The following RTN3 variants were observed in gnomAD, a reference collection of about 807,000 sequenced individuals.
The protein encoded by RTN3 is reticulon 3, also known as reticulon-3.
In RTN3, 49 loss-of-function variants were observed where a neutral mutation model predicts 77.8. That is an observed-to-expected ratio of 0.63 (90% CI 0.50 to 0.80). The LOEUF (loss-of-function observed/expected upper bound fraction) is 0.80, where lower values mean the gene tolerates loss of function less well. Among genes scored for constraint, RTN3 ranks in the 30% least tolerant of loss-of-function variants. The probability of loss-of-function intolerance (pLI) is 0.00; values close to 1 mark genes in which losing one functional copy is unlikely to be tolerated. For missense variants in RTN3, 1,236 were observed against 1,211.9 expected (o/e 1.02, Z -0.29); for synonymous variants, 464 against 446.9 (o/e 1.04, Z -0.48).
Position 63,704,861 on chromosome 11 carries a change from T to C in RTN3, c.153T>C (p.Val51=). The part of the protein sequence containing the change: ...SCSSSCADSF[V]SSSSSQPVSL... ...TATATTTTCTTTCAGATTCCTTTGT[T>C]TCTTCCTCTTCCTCTCAGCCTGTAT... Residue 51 remains valine, a synonymous_variant, in exon 2 of 9, where the codon GTT becomes GTC. Transcript: ENST00000377819. 1 of 1,611,088 alleles carries C rather than the reference T, an allele frequency of 6.2e-7. No homozygotes were observed. The highest frequency in any genetic ancestry group is 8.5e-7 in the Non-Finnish European group (1 of 1,177,440).
chr11:63,694,311 G>A (rs1217120044), intron 1 of RTN3, among the ~76,000 whole-genome samples: 1 of 151,888 alleles, frequency 6.6e-6, no homozygotes, highest in African/African-American at 2.4e-5. Flanking sequence ...CAAGTAGCTG[G>A]GATTACAGGC....
chr11:63,745,874 G>T (rs943407793), intron 3 of RTN3, among the ~76,000 whole-genome samples: 1 of 152,160 alleles, frequency 6.6e-6, no homozygotes, highest in African/African-American at 2.4e-5. Context: ...GCAAAGGTGC[G>T]ATCTCGGCTC....
intron 3 of RTN3, among the ~76,000 whole-genome samples, chr11:63,733,970 ACATT>A (rs1433000749): frequency 3.9e-5 from 6 of 152,292 alleles, no homozygotes; most frequent in African/African-American, 1.2e-4. Flanking sequence ...ATACACACAC[ACATT>A]CAGTGAGATC....
chr11:63,700,282 C>CTTTTTTTTTT (rs753369954), intron 1 of RTN3, among the ~76,000 whole-genome samples: 124,622 of 133,442 alleles, frequency 0.93, 59,053 homozygotes, highest in South Asian at 0.99. Flanking sequence ...GATTCTTTTA[C>CTTTTTTTTTT]TTTTTTTTTT....
At chr11:63,747,175 ATGT>A (rs1261384077) in intron 3 of RTN3, among the ~76,000 whole-genome samples, 1 of 152,170 alleles carries the variant, frequency 6.6e-6, no homozygotes. Context: ...CATAGAAGTG[ATGT>A]TGTGTCTTTC....
chr11:63,703,950 T>G (rs1272039742), intron 1 of RTN3, among the ~76,000 whole-genome samples: 1 of 152,170 alleles, frequency 6.6e-6, no homozygotes, highest in African/African-American at 2.4e-5. Flanking sequence ...TATGTGCATT[T>G]TAAATTTTGA....
At position 63,758,007 on chromosome 11, in the gene RTN3, G is replaced by A. The variant is rs489327; in HGVS notation, c.3054-149G>A. 2.3e-3 allele frequency: 1,392 copies of A among 614,502 alleles called. 13 individuals are homozygous for A. In the African/African-American group the frequency reaches 0.023, roughly 10 times the overall value. 38.1% of individuals were successfully genotyped at this position (614,502 alleles called of 1,614,324 possible). A position where few individuals can be genotyped will look rare whatever the true frequency, so the allele number is the denominator to read the frequency against. On this transcript the variant is annotated intron_variant, in intron 8 of 8. Coordinates refer to ENST00000377819, the MANE Select transcript of RTN3 (RefSeq NM_001265589.2). ...GACTCCCAAAGTGCTGGGATTACAC[G>A]CGTGAGCCACCATACCCAGCCGGGA...
At chr11:63,696,956 C>CG (rs1343711848) in intron 1 of RTN3, among the ~76,000 whole-genome samples, 8 of 132,212 alleles carry the variant, frequency 6.1e-5, no homozygotes, top group Admixed American at 4.4e-4. Flanking sequence ...GTGATCTTGG[C>CG]TCACGGCAAA....
chr11:63,683,943 CTTTT>C, intron 1 of RTN3, among the ~76,000 whole-genome samples: 1 of 58,952 alleles, frequency 1.7e-5, no homozygotes, highest in Non-Finnish European at 3.3e-5. Flanking sequence ...TCTTTTCTTT[CTTTT>C]TTTTTTTTTT....
chr11:63,691,941 AC>A (rs1371812617), intron 1 of RTN3, among the ~76,000 whole-genome samples: 1 of 152,128 alleles, frequency 6.6e-6, no homozygotes, highest in Non-Finnish European at 1.5e-5. Flanking sequence ...GCTTCCTGTT[AC>A]ACTCCGTAAA....
chr11:63,684,971 G>A (rs1173824648), intron 1 of RTN3, among the ~76,000 whole-genome samples: 1 of 151,578 alleles, frequency 6.6e-6, no homozygotes, highest in Non-Finnish European at 1.5e-5. Context: ...TGTTGGCCAG[G>A]CTGGTCTTGA....
intron 5 of RTN3, 41 bp downstream of exon 5, chr11:63,752,686 G>A (rs1184694109): frequency 1.9e-6 from 3 of 1,601,004 alleles, no homozygotes; most frequent in Admixed American, 3.4e-5. Context: ...AACAGAAAAA[G>A]CAGGGACTGG....
chr11:63,696,370 C>T (rs1358391196), intron 1 of RTN3, among the ~76,000 whole-genome samples: 4 of 150,552 alleles, frequency 2.7e-5, no homozygotes, highest in African/African-American at 4.9e-5. Context: ...GCACTCCAGC[C>T]TGGGCAACAA....
At chr11:63,694,926 G>C (rs545558857) in intron 1 of RTN3, among the ~76,000 whole-genome samples, 1 of 152,346 alleles carries the variant, frequency 6.6e-6, no homozygotes, top group Admixed American at 6.5e-5. Context: ...TAACAGAAGA[G>C]TGGGCATCTT....
At chr11:63,757,501 C>G (rs574321937) in intron 8 of RTN3, among the ~76,000 whole-genome samples, 2 of 152,052 alleles carry the variant, frequency 1.3e-5, no homozygotes, top group African/African-American at 4.8e-5. Flanking sequence ...GCTGACACTA[C>G]AGGCATGTGC....
chr11:63,686,211 C>G (rs1282945720), intron 1 of RTN3, among the ~76,000 whole-genome samples: 1 of 152,210 alleles, frequency 6.6e-6, no homozygotes, highest in Non-Finnish European at 1.5e-5. Flanking sequence ...TGGCTCACGC[C>G]TGTAATCCTA....
Position 63,719,054 on chromosome 11 carries a change from C to T in RTN3, c.552C>T (p.Thr184=), listed in dbSNP as rs143098965. 2 of 1,613,906 alleles carry T rather than the reference C, an allele frequency of 1.2e-6. No homozygotes were observed. Among genetic ancestry groups the T allele is most frequent in the African/African-American group, 2.7e-5 (2 of 74,880 alleles). The change falls in exon 3 of 9, where the codon ACC becomes ACT. Residue 184 remains threonine, a synonymous_variant. Coordinates refer to ENST00000377819, the MANE Select transcript of RTN3 (RefSeq NM_001265589.2). The part of the protein sequence containing the change: ...GQVEEQIDKE[T]KNPNGVSSRE... ...TGGAAGAGCAAATAGATAAAGAGAC[C>T]AAGAACCCAAATGGGGTATCAAGTA... is the stretch of plus-strand genomic sequence containing the variant.
Position 63,750,186 on chromosome 11 carries a change from G to A in RTN3, c.2726G>A (p.Gly909Asp), listed in dbSNP as rs781772414. 3 of 1,611,640 alleles carry A rather than the reference G, an allele frequency of 1.9e-6. No individual in the cohort carries two copies. Among genetic ancestry groups the A allele is most frequent in the African/African-American group, 1.3e-5 (1 of 75,002 alleles). The part of the protein sequence containing the change: ...VIQAVQKSEE[G>D]HPFKAYLDVD... ...CAAGCTGTACAGAAGTCAGAAGAAG[G>A]CCATCCATTCAAGTGAGTTGAAGTC... is the stretch of plus-strand genomic sequence containing the variant. The change falls in exon 4 of 9, where the codon GGC (glycine) becomes GAC (aspartate). Residue 909 changes from glycine to aspartate, a missense_variant. Transcript: ENST00000377819.
At chr11:63,745,303 C>T (rs2013729278) in intron 3 of RTN3, among the ~76,000 whole-genome samples, 1 of 152,184 alleles carries the variant, frequency 6.6e-6, no homozygotes, top group South Asian at 2.1e-4. Flanking sequence ...AATGGTTTTG[C>T]TGTCTTTTGG....
Sources: allele counts gnomAD v4.1 joint callset (sites outside exome capture counted in the v4.1 genomes callset), GRCh38; gene constraint gnomAD v4.1.1; transcripts MANE v1.5; gene names NCBI Gene and HGNC (gene_info 2026-07-23, HGNC 2026-07-21).